Variants in SOS1 observed in about 807,000 individuals in gnomAD.
The protein encoded by SOS1 is son of sevenless homolog 1.
In SOS1, 25 loss-of-function variants were observed where a neutral mutation model predicts 157.6. That is an observed-to-expected ratio of 0.16 (90% CI 0.12 to 0.22). SOS1 has a LOEUF of 0.22. Ranked by LOEUF, SOS1 falls within the 10% of genes least tolerant of loss-of-function variation. SOS1 has a pLI of 1.00. For missense variants in SOS1, 1,237 were observed against 1,599.1 expected (o/e 0.77, Z 3.86); for synonymous variants, 528 against 534.0 (o/e 0.99, Z 0.16).
intron 19 of SOS1, 36 bp from the exon 20 acceptor site, chr2:38,995,423 C>T: frequency 6.3e-7 from 1 of 1,576,846 alleles, no homozygotes; most frequent in Non-Finnish European, 8.7e-7. Flanking sequence ...ATACTTTAAA[C>T]ACTGTAGTAG....
At chr2:39,067,008 C>T (rs1293122527) in intron 2 of SOS1, among the ~76,000 whole-genome samples, 1 of 152,086 alleles carries the variant, frequency 6.6e-6, no homozygotes, top group Non-Finnish European at 1.5e-5. Context: ...TTGATTATCC[C>T]TAATCCAAAA....
intron 2 of SOS1, among the ~76,000 whole-genome samples, chr2:39,062,435 T>TAAAAAAAAAAAAAAA (rs397974197): frequency 1.3e-4 from 18 of 138,452 alleles, no homozygotes; most frequent in Non-Finnish European, 1.7e-4. Flanking sequence ...AAAAAAAAAT[T>TAAAAAAAAAAAAAAA]AAAAAAAAAA....
At chr2:39,051,741 T>C (rs1370177786) in intron 5 of SOS1, among the ~76,000 whole-genome samples, 4 of 152,154 alleles carry the variant, frequency 2.6e-5, no homozygotes, top group African/African-American at 9.6e-5. Context: ...AGTAGAAGAA[T>C]GGCAATGTTT....
Position 38,982,542 on chromosome 2 carries a change from C to G in SOS1, c.*3282G>C, listed in dbSNP as rs930083150. The G allele has an allele frequency of 1.3e-5, 2 of 152,128 alleles. No homozygotes were observed. Among genetic ancestry groups the G allele is most frequent in the Non-Finnish European group, 2.9e-5 (2 of 68,010 alleles). The allele number at this position is 152,128 out of a possible 1,614,324, so 9.4% of individuals were successfully genotyped here. A position where few individuals can be genotyped will look rare whatever the true frequency, so the allele number is the denominator to read the frequency against. On this transcript the variant is annotated 3_prime_UTR_variant, in exon 23 of 23. Transcript: ENST00000402219. ...CAGGACCTATACTTGCGTAGTCACA[C>G]AATATATGTTAAAAGAATAAGTAAA...
chr2:39,018,239 A>T (rs10173380), intron 10 of SOS1, among the ~76,000 whole-genome samples: 11,826 of 151,818 alleles, frequency 0.078, 1,590 homozygotes, highest in African/African-American at 0.27. Flanking sequence ...TTGTGGAGAT[A>T]ATTCCACAAA....
At chr2:39,044,466 A>G (rs905903763) in intron 6 of SOS1, among the ~76,000 whole-genome samples, 2 of 152,170 alleles carry the variant, frequency 1.3e-5, no homozygotes, top group African/African-American at 4.8e-5. Context: ...AGCTTAACTC[A>G]TTCATTTTTA....
At chr2:38,997,528 CA>C in intron 17 of SOS1, 103 bp from the exon 18 acceptor site, 1 of 698,716 alleles carries the variant, frequency 1.4e-6, no homozygotes, top group East Asian at 2.7e-5. Flanking sequence ...TCTCAGTTGC[CA>C]AAACAAAAGA....
chr2:39,040,780 T>C (rs929244349), intron 6 of SOS1, among the ~76,000 whole-genome samples: 3 of 152,346 alleles, frequency 2.0e-5, no homozygotes, highest in African/African-American at 4.8e-5. Context: ...CTTTTGGCTA[T>C]TGTGAATAAT....
At chr2:39,051,660 A>G (rs2124597754) in intron 5 of SOS1, among the ~76,000 whole-genome samples, 1 of 152,322 alleles carries the variant, frequency 6.6e-6, no homozygotes, top group African/African-American at 2.4e-5. Flanking sequence ...TAAACCCATT[A>G]TGTGTTTAAC....
At chr2:38,994,799 C>T (rs1668839770) in intron 20 of SOS1, among the ~76,000 whole-genome samples, 4 of 152,126 alleles carry the variant, frequency 2.6e-5, no homozygotes. Context: ...AAATTACTTG[C>T]AGATTTTAAG....
chr2:39,121,800 G>C (rs1484016968), upstream of SOS1, among the ~76,000 whole-genome samples: 2 of 152,236 alleles, frequency 1.3e-5, no homozygotes, highest in Non-Finnish European at 1.5e-5. Flanking sequence ...GTCAATGTTA[G>C]TGGAATGCTA....
At chr2:39,056,090 G>A (rs1301025835) in intron 4 of SOS1, among the ~76,000 whole-genome samples, 3 of 152,138 alleles carry the variant, frequency 2.0e-5, no homozygotes, top group Non-Finnish European at 4.4e-5. Context: ...TTGTTTTTAA[G>A]TAAATCCGTA....
intron 1 of SOS1, among the ~76,000 whole-genome samples, chr2:39,116,779 A>G (rs1452496077): frequency 6.6e-6 from 1 of 152,232 alleles, no homozygotes; most frequent in East Asian, 1.9e-4. Flanking sequence ...TAAGCCCAGG[A>G]GGTGGAGGCT....
chr2:39,058,093 C>T (rs1224999030), intron 3 of SOS1, among the ~76,000 whole-genome samples: 1 of 151,880 alleles, frequency 6.6e-6, no homozygotes, highest in African/African-American at 2.4e-5. Context: ...TATTATAATA[C>T]CTATATTTTT....
intron 1 of SOS1, among the ~76,000 whole-genome samples, chr2:39,118,889 T>C (rs936399140): frequency 1.3e-5 from 2 of 152,242 alleles, no homozygotes; most frequent in African/African-American, 2.4e-5. Context: ...TCCTACAATA[T>C]TCTTTCCACT....
At chr2:38,997,841 A>T (rs1340023107) in intron 17 of SOS1, among the ~76,000 whole-genome samples, 1 of 152,186 alleles carries the variant, frequency 6.6e-6, no homozygotes, top group African/African-American at 2.4e-5. Flanking sequence ...AAGGAACTTT[A>T]AGAATAACTT....
chr2:39,018,190 T>C (rs938722596), intron 10 of SOS1, among the ~76,000 whole-genome samples: 1 of 151,896 alleles, frequency 6.6e-6, no homozygotes, highest in East Asian at 1.9e-4. Context: ...AAATTAAAAA[T>C]AGCCCATTTT....
chr2:39,040,812 C>G lies in SOS1; in HGVS notation c.865-5312G>C, dbSNP rs535831735. Among the ~76,000 whole-genome samples, 120 of 152,292 alleles carry G rather than the reference C, an allele frequency of 7.9e-4. 1 individual carries two copies. Among genetic ancestry groups the G allele is most frequent in the Non-Finnish European group, 1.5e-3 (99 of 68,030 alleles). On this transcript the variant is annotated intron_variant, in intron 6 of 22. Coordinates refer to ENST00000402219, the MANE Select transcript of SOS1 (RefSeq NM_005633.4). ...TAATGCTGCTATAAATGTTGGCATA[C>G]AAGTATAGGATTGAATCTCTGCTTT... is the stretch of plus-strand genomic sequence containing the variant.
chr2:39,014,024 A>C (rs1248498507), intron 11 of SOS1, 35 bp from the exon 12 acceptor site: 2 of 1,510,892 alleles, frequency 1.3e-6, no homozygotes, highest in Non-Finnish European at 9.1e-7. Flanking sequence ...TGAAAAGACT[A>C]ATTATATCGA....
Sources: gnomAD v4.1 joint callset for allele counts (sites outside exome capture counted in the v4.1 genomes callset) on GRCh38, gnomAD v4.1.1 for gene constraint, MANE v1.5 for transcripts, NCBI Gene and HGNC (gene_info 2026-07-23, HGNC 2026-07-21) for gene names.